The following CNTN4 variants were observed in gnomAD, a reference collection of about 807,000 sequenced individuals.
The protein encoded by CNTN4 is contactin 4.
Under a neutral mutation model 122.5 loss-of-function variants are expected in CNTN4, and 77 were observed. That is an observed-to-expected ratio of 0.63 (90% CI 0.52 to 0.76). The LOEUF (loss-of-function observed/expected upper bound fraction) is 0.76. Among genes scored for constraint, CNTN4 ranks in the 30% least tolerant of loss-of-function variants. The pLI is 0.00. For missense variants in CNTN4, 1,256 were observed against 1,259.1 expected, an observed-to-expected ratio of 1.00 and a Z score of 0.04; for synonymous variants, 512 against 447.0, an observed-to-expected ratio of 1.15 and a Z score of -1.83.
At chr3:2,348,803 C>T (rs62244021) in intron 3 of CNTN4, among the ~76,000 whole-genome samples, 9 of 151,982 alleles carry the variant, frequency 5.9e-5, no homozygotes, top group African/African-American at 1.9e-4. Flanking sequence ...TGAACTAATA[C>T]GAAGAAAAAC....
intron 3 of CNTN4, among the ~76,000 whole-genome samples, chr3:2,384,271 A>C (rs997957455): frequency 6.6e-6 from 1 of 152,268 alleles, no homozygotes; most frequent in Non-Finnish European, 1.5e-5. Context: ...GACCTGCTTA[A>C]GTTCACTACT....
At chr3:2,118,951 G>A (rs937289042) in intron 2 of CNTN4, among the ~76,000 whole-genome samples, 11 of 152,214 alleles carry the variant, frequency 7.2e-5, no homozygotes, top group South Asian at 2.1e-4. Flanking sequence ...GGGTCCAAGT[G>A]TAATGGTTAA....
intron 12 of CNTN4, among the ~76,000 whole-genome samples, chr3:2,922,608 A>T (rs1254726230): frequency 9.1e-5 from 10 of 110,012 alleles, no homozygotes; most frequent in Admixed American, 5.6e-4. Flanking sequence ...AAAGAACTTG[A>T]TTTTTTTTTT....
chr3:2,696,483 G>A (rs1049502374), intron 4 of CNTN4, among the ~76,000 whole-genome samples: 2 of 152,206 alleles, frequency 1.3e-5, no homozygotes, highest in African/African-American at 4.8e-5. Context: ...TGAGGACATA[G>A]CATTCCTCCC....
chr3:2,324,609 C>T (rs2043389230), intron 2 of CNTN4, among the ~76,000 whole-genome samples: 1 of 152,062 alleles, frequency 6.6e-6, no homozygotes, highest in African/African-American at 2.4e-5. Flanking sequence ...GATCTGTTTC[C>T]CTCCATCTAT....
In CNTN4 at chr3:2,700,461, A is replaced by G. The variant is rs531930042; in HGVS notation, c.56-35754A>G. On this transcript the variant is annotated intron_variant, in intron 4 of 24. Coordinates refer to ENST00000418658, the MANE Select transcript of CNTN4 (RefSeq NM_175607.3). ...CCAGAGATTTTCATCATTTCCAACA[A>G]TGCAAAAATGTTGAATCTTAGACTA... is the stretch of plus-strand genomic sequence containing the variant. Among the ~76,000 whole-genome samples the G allele has an allele frequency of 1.3e-5, 2 of 152,350 alleles. 1 individual carries two copies. Among genetic ancestry groups the G allele is most frequent in the African/African-American group, 4.8e-5 (2 of 41,590 alleles).
rs895452585 is a variant in CNTN4 at position 2,290,924 on chromosome 3, A to G, written c.-144-48254A>G. ...TTTTTCAAAGAAAAATCGACACTAT[A>G]GGATTTTTTAAAATGACATGTGAAA... On this transcript the variant is annotated intron_variant, in intron 2 of 24. Transcript: ENST00000418658. Among the ~76,000 whole-genome samples, 6 of 152,238 alleles carry G rather than the reference A, an allele frequency of 3.9e-5. No homozygotes were observed. In the South Asian group the frequency reaches 6.2e-4, roughly 16 times the overall value.
chr3:2,471,780 A>G (rs80280808), intron 3 of CNTN4, among the ~76,000 whole-genome samples: 1,720 of 152,324 alleles, frequency 0.011, 40 homozygotes, highest in African/African-American at 0.039. Flanking sequence ...TCATTTGCCA[A>G]TGAACTTTTC....
At chr3:2,386,339 T>C (rs1310825977) in intron 3 of CNTN4, among the ~76,000 whole-genome samples, 1 of 152,168 alleles carries the variant, frequency 6.6e-6, no homozygotes, top group Admixed American at 6.5e-5. Context: ...AGTTGCAGTA[T>C]TGAGACATAC....
chr3:3,020,107 T>C (rs1217230849), intron 14 of CNTN4, among the ~76,000 whole-genome samples: 1 of 152,134 alleles, frequency 6.6e-6, no homozygotes, highest in Non-Finnish European at 1.5e-5. Context: ...TAAAATTCCA[T>C]ATTCGACATA....
chr3:2,599,026 T>C (rs1181852449), intron 4 of CNTN4, among the ~76,000 whole-genome samples: 1 of 152,254 alleles, frequency 6.6e-6, no homozygotes, highest in African/African-American at 2.4e-5. Context: ...AACTGACATA[T>C]GTTGAGTATT....
chr3:2,294,478 A>G (rs1178523439), intron 2 of CNTN4, among the ~76,000 whole-genome samples: 1 of 151,966 alleles, frequency 6.6e-6, no homozygotes, highest in African/African-American at 2.4e-5. Flanking sequence ...AAAAGCATAC[A>G]AAAATTGCTG....
chr3:2,298,503 T>C (rs2042390950), intron 2 of CNTN4, among the ~76,000 whole-genome samples: 1 of 152,158 alleles, frequency 6.6e-6, no homozygotes, highest in African/African-American at 2.4e-5. Context: ...ATTTGAAAAT[T>C]TCTTTCTTCT....
chr3:2,561,039 G>A (rs114847491), intron 3 of CNTN4, among the ~76,000 whole-genome samples: 3,953 of 152,274 alleles, frequency 0.026, 72 homozygotes, highest in Non-Finnish European at 0.037. Flanking sequence ...CAAGCTGTGC[G>A]TAATGATGGA....
At chr3:2,336,692 TA>T (rs367670521) in intron 2 of CNTN4, among the ~76,000 whole-genome samples, 3 of 152,004 alleles carry the variant, frequency 2.0e-5, no homozygotes, top group South Asian at 2.1e-4. Flanking sequence ...AAATTATAGC[TA>T]AAACCTAACC....
chr3:2,286,467 A>G (rs1382215487), intron 2 of CNTN4, among the ~76,000 whole-genome samples: 1 of 152,014 alleles, frequency 6.6e-6, no homozygotes, highest in Non-Finnish European at 1.5e-5. Context: ...CATGGTTGTT[A>G]AACAAGGCTT....
intron 8 of CNTN4, among the ~76,000 whole-genome samples, chr3:2,880,235 G>T (rs1199789688): frequency 6.6e-6 from 1 of 152,162 alleles, no homozygotes; most frequent in Admixed American, 6.5e-5. Context: ...GAAAAAACCT[G>T]ACCACTTCTA....
intron 2 of CNTN4, among the ~76,000 whole-genome samples, chr3:2,158,269 GAT>G (rs2035806395): frequency 1.3e-5 from 2 of 152,170 alleles, no homozygotes; most frequent in Non-Finnish European, 2.9e-5. Context: ...AAGAAGTTTA[GAT>G]ATGTTTCTAA....
chr3:2,466,495 G>T (rs962337146), intron 3 of CNTN4, among the ~76,000 whole-genome samples: 1 of 152,138 alleles, frequency 6.6e-6, no homozygotes, highest in Non-Finnish European at 1.5e-5. Context: ...GGGAGAGAGG[G>T]GAGGGCAGTA....
Sources: allele counts gnomAD v4.1 joint callset (sites outside exome capture counted in the v4.1 genomes callset), GRCh38; gene constraint gnomAD v4.1.1; transcripts MANE v1.5; gene names NCBI Gene and HGNC (gene_info 2026-07-23, HGNC 2026-07-21).